TMEM33: variants seen among roughly 807,000 people sequenced by gnomAD.
TMEM33 encodes the protein transmembrane protein 33.
In TMEM33, 16 loss-of-function variants were observed where a neutral mutation model predicts 29.7. The observed-to-expected ratio is 0.54, with a 90% CI of 0.36 to 0.82. TMEM33 has a LOEUF of 0.82. TMEM33 is among the 40% of genes least tolerant of loss of function. The probability of loss-of-function intolerance (pLI) is 0.00; values close to 1 mark genes in which losing one functional copy is unlikely to be tolerated. For missense variants in TMEM33, 252 were observed against 295.3 expected (o/e 0.85, Z 1.08); for synonymous variants, 112 against 109.4 (o/e 1.02, Z -0.15).
chr4:41,944,989 A>C, intron 5 of TMEM33, 63 bp downstream of exon 5: 206 of 1,573,550 alleles, frequency 1.3e-4, no homozygotes, highest in East Asian at 2.5e-4. Flanking sequence ...ATAGTAACTC[A>C]AGTTTTATTC....
upstream of TMEM33, chr4:41,935,299 CG>C (rs1712164349): frequency 1.5e-6 from 1 of 677,418 alleles, no homozygotes; most frequent in Non-Finnish European, 2.6e-6. Context: ...TGGATCCAGT[CG>C]GCTGCACCAG....
At position 41,959,298 on chromosome 4, in the gene TMEM33, A is replaced by G. The variant is rs1003212304; in HGVS notation, c.*5099A>G. On this transcript the variant is annotated 3_prime_UTR_variant, in exon 7 of 7. Coordinates refer to ENST00000504986, the MANE Select transcript of TMEM33 (RefSeq NM_018126.3). ...ATTTATGTTTTAAGGTGATGTTCAC[A>G]TGGGTTCTTTAGAAGGAACATAGTC... 2.0e-5 allele frequency: 3 copies of G among 152,342 alleles called. No individual in the cohort carries two copies. Among genetic ancestry groups the G allele is most frequent in the Non-Finnish European group, 2.9e-5 (2 of 68,030 alleles). The allele number at this position is 152,342 out of a possible 1,614,324, so 9.4% of individuals were successfully genotyped here. A position where few individuals can be genotyped will look rare whatever the true frequency, so the allele number is the denominator to read the frequency against.
intron 3 of TMEM33, among the ~76,000 whole-genome samples, chr4:41,943,262 C>T (rs1712622919): frequency 6.6e-6 from 1 of 152,164 alleles, no homozygotes; most frequent in Non-Finnish European, 1.5e-5. Context: ...CAGTGACTCA[C>T]ACCTGTAATC....
rs774332645 is a variant in TMEM33, at chr4:41,939,223, A to G, written c.168A>G (p.Gln56=). 1.9e-6 allele frequency: 3 copies of G among 1,602,794 alleles called. No individual in the cohort carries two copies. The highest frequency in any genetic ancestry group is 2.5e-6 in the Non-Finnish European group (3 of 1,176,890). ...TGCATGAAGCAGCAAGCTTTTACCA[A>G]CGTGCTTTGCTGGCAAATGCTCTTA... The part of the protein sequence containing the change: ...LGLHEAASFY[Q]RALLANALTS... Residue 56 remains glutamine (Q), a synonymous_variant, in exon 3 of 7, where the codon CAA becomes CAG. Transcript: ENST00000504986.
intron 6 of TMEM33, among the ~76,000 whole-genome samples, chr4:41,953,364 C>T (rs1178391791): frequency 6.6e-6 from 1 of 152,230 alleles, no homozygotes; most frequent in Non-Finnish European, 1.5e-5. Flanking sequence ...TATGTTTACA[C>T]TCTACTGTAG....
intron 6 of TMEM33, among the ~76,000 whole-genome samples, chr4:41,953,200 T>A: frequency 6.6e-6 from 1 of 152,238 alleles, no homozygotes; most frequent in East Asian, 1.9e-4. Context: ...TTACTTCAAA[T>A]TCTAATGGCT....
chr4:41,941,660 A>G (rs1158530088), intron 3 of TMEM33, among the ~76,000 whole-genome samples: 1 of 152,192 alleles, frequency 6.6e-6, no homozygotes, highest in Admixed American at 6.5e-5. Flanking sequence ...TATTCCTTAA[A>G]TTCTTACAAA....
upstream of TMEM33, chr4:41,935,258 G>T (rs960303763): frequency 7.4e-5 from 46 of 619,774 alleles, no homozygotes; most frequent in Non-Finnish European, 1.3e-4. Flanking sequence ...GGCGGTGCGG[G>T]ACAGGTACCT....
chr4:41,951,366 G>C (rs1713033122), intron 6 of TMEM33, among the ~76,000 whole-genome samples: 1 of 152,280 alleles, frequency 6.6e-6, no homozygotes, highest in South Asian at 2.1e-4. Context: ...AAGTTCTGTT[G>C]TCAGTGCTAT....
upstream of TMEM33, chr4:41,935,176 G>A (rs561291899): frequency 4.0e-6 from 2 of 499,832 alleles, no homozygotes; most frequent in Admixed American, 7.4e-5. Flanking sequence ...GGCGGCGTAG[G>A]TTGGCTCTTT....
At chr4:41,936,312 G>C (rs2153126173) in intron 1 of TMEM33, among the ~76,000 whole-genome samples, 1 of 152,318 alleles carries the variant, frequency 6.6e-6, no homozygotes, top group Admixed American at 6.5e-5. Context: ...AGTCCAAGGC[G>C]GGAGGATCGC....
chr4:41,943,909 C>T (rs1210029896), intron 4 of TMEM33, 95 bp downstream of exon 4: 3 of 1,082,908 alleles, frequency 2.8e-6, no homozygotes, highest in African/African-American at 3.2e-5. Flanking sequence ...CAAAAAGTCC[C>T]TCTATACCTT....
At chr4:41,936,166 T>C (rs1229921165) in intron 1 of TMEM33, among the ~76,000 whole-genome samples, 5 of 152,242 alleles carry the variant, frequency 3.3e-5, no homozygotes, top group Non-Finnish European at 7.3e-5. Flanking sequence ...TGGGAAATAT[T>C]ACCTAATATA....
intron 5 of TMEM33, among the ~76,000 whole-genome samples, chr4:41,946,593 G>A (rs1712799314): frequency 6.6e-6 from 1 of 152,116 alleles, no homozygotes; most frequent in Admixed American, 6.5e-5. Flanking sequence ...TGATGCAGTT[G>A]TATTTGTAAA....
chr4:41,952,269 A>G (rs1402312505), intron 6 of TMEM33, among the ~76,000 whole-genome samples: 6 of 152,210 alleles, frequency 3.9e-5, no homozygotes, highest in Admixed American at 1.3e-4. Flanking sequence ...TACTCCAAAT[A>G]TTATTATTCC....
chr4:41,935,537 C>A lies in TMEM33; in HGVS notation c.45+8C>A. 1 of 1,603,738 alleles carries A rather than the reference C, an allele frequency of 6.2e-7. No homozygotes were observed. Among genetic ancestry groups the A allele is most frequent in the Non-Finnish European group, 8.5e-7 (1 of 1,175,242 alleles). ...CAAGGGGCGGGCGCTGTGGTAAGTG[C>A]GAGGGCAGGGTAGTCTGGCTTGATT... is the stretch of plus-strand genomic sequence containing the variant. On this transcript the variant is annotated splice_region_variant and intron_variant, in intron 1 of 6. Transcript: ENST00000504986.
chr4:41,953,162 T>A (rs141015717), intron 6 of TMEM33, among the ~76,000 whole-genome samples: 1 of 152,344 alleles, frequency 6.6e-6, no homozygotes, highest in East Asian at 1.9e-4. Flanking sequence ...ATTTTGTGTT[T>A]TCTCTACAAT....
intron 1 of TMEM33, 133 bp downstream of exon 1, chr4:41,935,662 T>G: frequency 1.1e-6 from 1 of 939,870 alleles, no homozygotes; most frequent in Admixed American, 2.5e-5. Flanking sequence ...GTGGGGAAGT[T>G]GGAGCGGGGA....
At chr4:41,936,891 A>G (rs753529852) in intron 1 of TMEM33, among the ~76,000 whole-genome samples, 2 of 152,168 alleles carry the variant, frequency 1.3e-5, no homozygotes, top group African/African-American at 2.4e-5. Context: ...GATTTATCCC[A>G]TCATTGCAGA....
Sources: gnomAD v4.1 joint callset for allele counts (sites outside exome capture counted in the v4.1 genomes callset) on GRCh38, gnomAD v4.1.1 for gene constraint, MANE v1.5 for transcripts, NCBI Gene and HGNC (gene_info 2026-07-23, HGNC 2026-07-21) for gene names.